The following ADRA1A variants were observed in gnomAD, a reference collection of about 807,000 sequenced individuals.
The protein encoded by ADRA1A is adrenoceptor alpha 1A.
A neutral mutation model predicts 29.6 loss-of-function variants in ADRA1A; 31 were observed. That is an observed-to-expected ratio of 1.05 (90% CI 0.79 to 1.41). The LOEUF is 1.41. ADRA1A is among the 40% of genes most tolerant of loss of function. ADRA1A has a pLI of 0.00. For synonymous variants in ADRA1A, 311 were observed against 254.3 expected (o/e 1.22, Z -2.12); for missense variants, 619 against 601.1 (o/e 1.03, Z -0.31).
At chr8:26,797,881 A>C (rs1441047638) in intron 2 of ADRA1A, among the ~76,000 whole-genome samples, 1 of 152,170 alleles carries the variant, frequency 6.6e-6, no homozygotes. Context: ...ATAAAGTCCA[A>C]GGTCTTAAAC....
chr8:26,762,163 CAG>C (rs1439016171), downstream of ADRA1A, among the ~76,000 whole-genome samples: 1 of 152,134 alleles, frequency 6.6e-6, no homozygotes, highest in African/African-American at 2.4e-5. The surrounding 1 kb of genome is among the most constrained non-coding windows in gnomAD (Gnocchi z 4.0). Context: ...TTCGAACCAT[CAG>C]AGAGTGGTAA....
At chr8:26,851,827 C>T (rs918984217) in intron 2 of ADRA1A, among the ~76,000 whole-genome samples, 10 of 151,798 alleles carry the variant, frequency 6.6e-5, no homozygotes, top group African/African-American at 2.4e-4. Flanking sequence ...TATCATACTT[C>T]TCTCAATATT....
chr8:26,860,608 C>A lies in ADRA1A; in HGVS notation c.883+3479G>T, dbSNP rs913505309. 6.6e-5 allele frequency among the ~76,000 whole-genome samples: 10 copies of A among 152,232 alleles called. No homozygotes were observed. Among genetic ancestry groups the A allele is most frequent in the Admixed American group, 5.2e-4 (8 of 15,284 alleles). ...TTTCACACCTTCTCTGAGGCTAAAA[C>A]TGCCATCGTTCCCCATTCCTGACTC... On this transcript the variant is annotated intron_variant, in intron 2 of 2. Transcript: ENST00000380573. The surrounding 1 kb of genome is among the most constrained non-coding windows in gnomAD (Gnocchi z 4.7).
downstream of ADRA1A, among the ~76,000 whole-genome samples, chr8:26,755,225 A>C (rs867215573): frequency 8.0e-5 from 12 of 149,294 alleles, no homozygotes; most frequent in Non-Finnish European, 1.2e-4. Flanking sequence ...TAGCCATCCC[A>C]CTGTAATGCT....
rs149312010 is a variant in ADRA1A at position 26,859,183 on chromosome 8, G to A, written c.883+4904C>T. On this transcript the variant is annotated intron_variant, in intron 2 of 2. Transcript: ENST00000380573. ...ACAGCCCTTTTCTCCAAAACAGCAC[G>A]TCATATTTAAGAATGTATGTCCCTT... The A allele has an allele frequency of 6.1e-5, 79 of 1,289,114 alleles. No homozygotes were observed. The African/African-American group carries it at 8.6e-4, about 14-fold the overall frequency. The allele number at this position is 1,289,114 out of a possible 1,614,324, so 79.9% of individuals were successfully genotyped here. A position where few individuals can be genotyped will look rare whatever the true frequency, so the allele number is the denominator to read the frequency against.
At chr8:26,818,290 A>C (rs891581371) in intron 2 of ADRA1A, among the ~76,000 whole-genome samples, 13 of 152,336 alleles carry the variant, frequency 8.5e-5, no homozygotes, top group Admixed American at 3.3e-4. Flanking sequence ...ACTGGACACT[A>C]CAAAGATAAA....
Position 26,758,606 on chromosome 8 carries a change from A to G in ADRA1A, c.1270-1827T>C, listed in dbSNP as rs537293436. Among the ~76,000 whole-genome samples the G allele has an allele frequency of 8.9e-4, 135 of 152,338 alleles. 1 individual carries two copies. The highest frequency in any genetic ancestry group is 3.0e-3 in the African/African-American group (123 of 41,580). ...ACGTGATTTGTTCAGGGCCACTTAA[A>G]TAGGTACAGAGATGGGAACTGCAAT... is the stretch of plus-strand genomic sequence containing the variant. On this transcript the variant is annotated intron_variant, in intron 2 of 2. Transcript: ENST00000380582.
rs1385031303 is a variant in ADRA1A, at chr8:26,787,916, T to A, written c.884-17250A>T. Among the ~76,000 whole-genome samples the A allele has an allele frequency of 6.6e-6, 1 of 152,044 alleles. No individual in the cohort carries two copies. The highest frequency in any genetic ancestry group is 2.4e-5 in the African/African-American group (1 of 41,404). ...CATTAGTGCTATCTTGTCTATTTTT[T>A]TTTTTTTAACATTTGGGGATAATTT... On this transcript the variant is annotated intron_variant, in intron 2 of 2. Transcript: ENST00000380573. This position sits in a 1 kb window ranked among gnomAD's most constrained non-coding sequence, Gnocchi z 4.2.
intron 2 of ADRA1A, among the ~76,000 whole-genome samples, chr8:26,759,616 G>A (rs555008528): frequency 2.6e-5 from 4 of 152,174 alleles, no homozygotes; most frequent in Non-Finnish European, 4.4e-5. Context: ...GGACTGACTC[G>A]GGGAGGCACT....
chr8:26,761,968 G>A (rs1014051515), downstream of ADRA1A, among the ~76,000 whole-genome samples: 5 of 152,128 alleles, frequency 3.3e-5, no homozygotes, highest in African/African-American at 1.2e-4. Context: ...TATACATTCC[G>A]ATGGGTTAAG....
At chr8:26,782,159 C>A (rs1353485425) in intron 2 of ADRA1A, among the ~76,000 whole-genome samples, 2 of 152,192 alleles carry the variant, frequency 1.3e-5, no homozygotes, top group Admixed American at 1.3e-4. Flanking sequence ...GCTCCCTCCC[C>A]TGCCTGGATT....
intron 2 of ADRA1A, among the ~76,000 whole-genome samples, chr8:26,838,690 C>A (rs1000225200): frequency 2.0e-5 from 3 of 152,080 alleles, no homozygotes; most frequent in South Asian, 2.1e-4. Context: ...CAGGGTCATT[C>A]AAAAATTTGA....
intron 2 of ADRA1A, among the ~76,000 whole-genome samples, chr8:26,814,582 CT>C (rs1317663034): frequency 6.6e-6 from 1 of 152,192 alleles, no homozygotes; most frequent in Non-Finnish European, 1.5e-5. Flanking sequence ...TTTCATTTAG[CT>C]TTAATTTTAC....
intron 2 of ADRA1A, among the ~76,000 whole-genome samples, chr8:26,816,216 A>T (rs1021829409): frequency 6.6e-6 from 1 of 152,188 alleles, no homozygotes; most frequent in African/African-American, 2.4e-5. Flanking sequence ...TGTGGGAAGG[A>T]CACAAACCCT....
chr8:26,859,732 A>T (rs1413862905), intron 2 of ADRA1A, among the ~76,000 whole-genome samples: 4 of 150,876 alleles, frequency 2.7e-5, no homozygotes, highest in African/African-American at 9.8e-5. Context: ...GACCCTGTGA[A>T]CTGTATGTTC....
Position 26,787,108 on chromosome 8 carries a change from A to T in ADRA1A, c.884-16442T>A, listed in dbSNP as rs1373712459. ...AACTAAGGAAAATAGCTGAGCTCAG[A>T]TTCAAATTCAGGCTTCATGCCCAAA... On this transcript the variant is annotated intron_variant, in intron 2 of 2. Coordinates refer to ENST00000380573, the MANE Select transcript of ADRA1A (RefSeq NM_000680.4). This position sits in a 1 kb window ranked among gnomAD's most constrained non-coding sequence, Gnocchi z 4.2. Among the ~76,000 whole-genome samples the T allele has an allele frequency of 6.6e-6, 1 of 152,166 alleles. No homozygotes were observed. The highest frequency in any genetic ancestry group is 6.5e-5 in the Admixed American group (1 of 15,270).
intron 2 of ADRA1A, among the ~76,000 whole-genome samples, chr8:26,857,236 A>G (rs142461666): frequency 6.6e-6 from 1 of 152,132 alleles, no homozygotes; most frequent in Non-Finnish European, 1.5e-5. Flanking sequence ...AGCCAGCTTC[A>G]ATTGCCAGGC....
chr8:26,769,332 T>G lies in ADRA1A; in HGVS notation c.*817A>C. On this transcript the variant is annotated 3_prime_UTR_variant, in exon 3 of 3. Transcript: ENST00000380573. Reference sequence around the variant, plus strand: ...CTTTAAAGATATTAGAGAGAAAGCCTATCATCATCTGATCTTGGAACTGTT... The same window carrying G: ...CTTTAAAGATATTAGAGAGAAAGCCGATCATCATCTGATCTTGGAACTGTT... 3.0e-6 allele frequency: 3 copies of G among 985,310 alleles called. No homozygotes were observed. The highest frequency in any genetic ancestry group is 3.6e-6 in the Non-Finnish European group (3 of 829,812). The allele number at this position is 985,310 out of a possible 1,614,324, so 61.0% of individuals were successfully genotyped here.
At chr8:26,832,110 T>G (rs1811015782) in intron 2 of ADRA1A, among the ~76,000 whole-genome samples, 1 of 152,166 alleles carries the variant, frequency 6.6e-6, no homozygotes, top group Non-Finnish European at 1.5e-5. Context: ...GGAGATTCGG[T>G]TTGCAGCGAG....
Sources: allele counts gnomAD v4.1 joint callset (sites outside exome capture counted in the v4.1 genomes callset), GRCh38; gene constraint gnomAD v4.1.1; non-coding constraint Gnocchi (gnomAD v3.1); transcripts MANE v1.5; gene names NCBI Gene and HGNC (gene_info 2026-07-23, HGNC 2026-07-21).